The following CHN2 variants were observed in gnomAD, a reference collection of about 807,000 sequenced individuals.
CHN2 encodes beta-chimaerin.
In CHN2, 35 loss-of-function variants were observed where a neutral mutation model predicts 56.3. The ratio of observed to expected loss-of-function variants is 0.62; its 90% confidence interval spans 0.47 to 0.82. The LOEUF (loss-of-function observed/expected upper bound fraction) is 0.82. Ranked by LOEUF, CHN2 falls within the 40% of genes least tolerant of loss-of-function variation. The pLI is 0.00. For synonymous variants in CHN2, 210 were observed against 212.8 expected (o/e 0.99, Z 0.12); for missense variants, 491 against 580.5 (o/e 0.85, Z 1.58).
intron 6 of CHN2, among the ~76,000 whole-genome samples, chr7:29,458,109 A>T (rs2128135492): frequency 6.6e-6 from 1 of 152,300 alleles, no homozygotes; most frequent in South Asian, 2.1e-4. Context: ...TATGTCACAA[A>T]AGACAGTGTT....
chr7:29,444,740 G>C (rs1585414965), intron 6 of CHN2, among the ~76,000 whole-genome samples: 1 of 152,206 alleles, frequency 6.6e-6, no homozygotes, highest in Non-Finnish European at 1.5e-5. Context: ...GGAGTGGCTT[G>C]CATATCCAGA....
intron 6 of CHN2, among the ~76,000 whole-genome samples, chr7:29,439,437 G>A (rs1050281911): frequency 4.6e-5 from 7 of 152,140 alleles, no homozygotes; most frequent in Non-Finnish European, 8.8e-5. Flanking sequence ...TGCATGTCTG[G>A]TGTTCTCTGC....
At chr7:29,473,978 A>T (rs6462142) in intron 6 of CHN2, among the ~76,000 whole-genome samples, 91,960 of 152,096 alleles carry the variant, frequency 0.6, 27,953 homozygotes, top group African/African-American at 0.63. Context: ...CTCAAAAAAA[A>T]ATGCAAAGAA....
intron 2 of CHN2, among the ~76,000 whole-genome samples, chr7:29,189,026 C>T (rs1364646984): frequency 6.7e-6 from 1 of 150,104 alleles, no homozygotes; most frequent in Non-Finnish European, 1.5e-5. Context: ...TCTCAGCTCA[C>T]TGCAACCTCT....
At chr7:29,398,533 C>A in intron 5 of CHN2, 47 bp downstream of exon 5, 1 of 1,201,236 alleles carries the variant, frequency 8.3e-7, no homozygotes, top group Non-Finnish European at 1.2e-6. Flanking sequence ...CAAGTGGCTT[C>A]ACTGATGTTT....
At chr7:29,461,286 C>T (rs849936) in intron 6 of CHN2, among the ~76,000 whole-genome samples, 26,876 of 152,112 alleles carry the variant, frequency 0.18, 2,465 homozygotes, top group East Asian at 0.29. Flanking sequence ...CCATGTAGAA[C>T]TTAGGGTGAA....
At chr7:29,395,644 C>CT (rs760265204) in intron 4 of CHN2, among the ~76,000 whole-genome samples, 9 of 152,266 alleles carry the variant, frequency 5.9e-5, no homozygotes, top group Non-Finnish European at 1.2e-4. Context: ...TCTTTCTGGT[C>CT]TTTGTGCATG....
chr7:29,502,163 C>G (rs1223520994), intron 9 of CHN2, among the ~76,000 whole-genome samples: 1 of 152,198 alleles, frequency 6.6e-6, no homozygotes, highest in African/African-American at 2.4e-5. Context: ...CATCTCAGTG[C>G]TGTCACAGAG....
intron 6 of CHN2, among the ~76,000 whole-genome samples, chr7:29,443,442 G>A (rs552480261): frequency 6.6e-6 from 1 of 152,220 alleles, no homozygotes; most frequent in East Asian, 1.9e-4. Flanking sequence ...GATGATGTTC[G>A]CACAATGACA....
At chr7:29,224,530 A>G (rs1297913100) in intron 1 of CHN2, among the ~76,000 whole-genome samples, 1 of 152,200 alleles carries the variant, frequency 6.6e-6, no homozygotes, top group Non-Finnish European at 1.5e-5. Context: ...TTCAGGAGCC[A>G]TTTCTGCCAT....
chr7:29,231,721 CA>C (rs1786726014), intron 1 of CHN2, among the ~76,000 whole-genome samples: 1 of 152,134 alleles, frequency 6.6e-6, no homozygotes, highest in South Asian at 2.1e-4. Flanking sequence ...CTATCATTAG[CA>C]CTTTAAATTA....
At chr7:29,393,565 A>G (rs941972124) in intron 3 of CHN2, 114 bp from the exon 4 acceptor site, 3 of 489,682 alleles carry the variant, frequency 6.1e-6, no homozygotes, top group Admixed American at 4.1e-5. Flanking sequence ...TTTGGAGGAT[A>G]CAATCTGTAA....
chr7:29,252,187 A>ATTTTT (rs3046893), intron 1 of CHN2, among the ~76,000 whole-genome samples: 5 of 113,888 alleles, frequency 4.4e-5, no homozygotes, highest in Admixed American at 1.0e-4. Context: ...ATTATACAGG[A>ATTTTT]TTTTTTTTTT....
In CHN2 at chr7:29,496,056, C is replaced by A. The variant is rs757652185; in HGVS notation, c.739+20C>A. Reference sequence around the variant, plus strand: ...GCTCAGGTAGACACAGAACTTTCTTCTTTTCCAATTATATGAAATGCCACT... The same window carrying A: ...GCTCAGGTAGACACAGAACTTTCTTATTTTCCAATTATATGAAATGCCACT... On this transcript the variant is annotated intron_variant, in intron 8 of 12. Transcript: ENST00000222792. The A allele has an allele frequency of 6.3e-7, 1 of 1,590,610 alleles. No homozygotes were observed. The highest frequency in any genetic ancestry group is 2.2e-5 in the East Asian group (1 of 44,670).
intron 1 of CHN2, among the ~76,000 whole-genome samples, chr7:29,200,484 C>G: frequency 7.0e-6 from 1 of 142,876 alleles, no homozygotes. Flanking sequence ...TTCCCCCCCC[C>G]TTTTGTCTCT....
chr7:29,441,768 A>T (rs922810297), intron 6 of CHN2, among the ~76,000 whole-genome samples: 14 of 152,222 alleles, frequency 9.2e-5, no homozygotes, highest in African/African-American at 1.4e-4. Context: ...ATTTTTTTTT[A>T]AAAAAAGGAA....
chr7:29,457,774 C>T (rs957738248), intron 6 of CHN2, among the ~76,000 whole-genome samples: 2 of 152,096 alleles, frequency 1.3e-5, no homozygotes, highest in Admixed American at 6.5e-5. Flanking sequence ...CATGGCAGTG[C>T]GCGCTTCCAT....
rs1554387261 is a variant in CHN2 at position 29,273,365 on chromosome 7, A to ATATATATATGTG, written c.49+78384_49+78385insGTGTATATATAT. On this transcript the variant is annotated intron_variant, in intron 1 of 12. Coordinates refer to ENST00000222792, the MANE Select transcript of CHN2 (RefSeq NM_004067.4). The stretch of plus-strand genomic sequence containing the variant: ...TGTGTATATATATATATATATATAT[A>ATATATATATGTG]TATATATATATATATATATATATAC... Among the ~76,000 whole-genome samples the ATATATATATGTG allele has an allele frequency of 1.2e-3, 64 of 52,150 alleles. 4 individuals are homozygous for ATATATATATGTG. The highest frequency in any genetic ancestry group is 2.0e-3 in the Non-Finnish European group (57 of 28,740). The allele number at this position is 52,150 out of a possible 152,430, so 34.2% of individuals were successfully genotyped here. A position where few individuals can be genotyped will look rare whatever the true frequency, so the allele number is the denominator to read the frequency against.
chr7:29,403,393 G>A (rs1802382164), intron 6 of CHN2, among the ~76,000 whole-genome samples: 1 of 151,924 alleles, frequency 6.6e-6, no homozygotes, highest in Admixed American at 6.6e-5. Flanking sequence ...AAATGAGCAG[G>A]TTTCCTAATA....
Sources: gnomAD v4.1 joint callset for allele counts (sites outside exome capture counted in the v4.1 genomes callset) on GRCh38, gnomAD v4.1.1 for gene constraint, MANE v1.5 for transcripts, NCBI Gene and HGNC (gene_info 2026-07-23, HGNC 2026-07-21) for gene names.